Variants in ANKRD40 observed in about 807,000 individuals in gnomAD.
The protein encoded by ANKRD40 is ankyrin repeat domain-containing protein 40.
Under a neutral mutation model 35.5 loss-of-function variants are expected in ANKRD40, and 24 were observed. The ratio of observed to expected loss-of-function variants is 0.68; its 90% CI spans 0.49 to 0.95. The LOEUF is 0.95. Ranked by LOEUF, ANKRD40 falls within the 40% of genes least tolerant of loss-of-function variation. The pLI, the probability that ANKRD40 is intolerant of heterozygous loss-of-function variation, is 0.00. For synonymous variants in ANKRD40, 147 were observed against 173.5 expected, an observed-to-expected ratio of 0.85 and a Z score of 1.20; for missense variants, 361 against 436.0, an observed-to-expected ratio of 0.83 and a Z score of 1.53.
In ANKRD40 at chr17:50,707,209, C is replaced by T. The variant is rs7225909; in HGVS notation, c.134+312G>A. Among the ~76,000 whole-genome samples the T allele has an allele frequency of 2.4e-3, 364 of 152,294 alleles. 1 individual carries two copies. The highest frequency in any genetic ancestry group is 8.4e-3 in the African/African-American group (351 of 41,574). ...ATTGGGGTGAGCTCCAACGCATAGT[C>T]GCTGAGAATCACTGCCTCCAGCACC... On this transcript the variant is annotated intron_variant, in intron 1 of 4. Transcript: ENST00000285243. This position sits in a 1 kb window ranked among gnomAD's most constrained non-coding sequence, Gnocchi z 4.8.
rs897951851 is a variant in ANKRD40, at chr17:50,695,492, C to T, written c.*505G>A. 2.0e-5 allele frequency: 3 copies of T among 153,040 alleles called. No homozygotes were observed. The highest frequency in any genetic ancestry group is 6.5e-5 in the Admixed American group (1 of 15,298). The allele number at this position is 153,040 out of a possible 1,614,324, so 9.5% of individuals were successfully genotyped here. A position where few individuals can be genotyped will look rare whatever the true frequency, so the allele number is the denominator to read the frequency against. ...CAAGTCACACTAGAATCCATCTGTC[C>T]AGTATCTGTGCTTTCCCCACACCAG... is the stretch of plus-strand genomic sequence containing the variant. On this transcript the variant is annotated 3_prime_UTR_variant, in exon 5 of 5. Transcript: ENST00000285243.
intron 1 of ANKRD40, among the ~76,000 whole-genome samples, chr17:50,703,160 CG>C (rs529259664): frequency 2.5e-4 from 38 of 152,218 alleles, no homozygotes; most frequent in African/African-American, 8.4e-4. Context: ...CAAGAGAGTA[CG>C]TTTTTTTGAG....
chr17:50,699,692 G>A lies in ANKRD40; in HGVS notation c.485C>T (p.Pro162Leu). The part of the protein sequence containing the change: ...PASPPADGSP[P>L]LLPPGEPPLL... ...GGGAGGTTCCCCAGGGGGAAGCAAT[G>A]GAGGTGAGCCATCTGCAGGGGGTGA... Residue 162 changes from proline (P) to leucine (L), a missense_variant, in exon 3 of 5, where the codon CCA becomes CTA. By Grantham distance (98) the Pro-to-Leu change is moderately conservative (BLOSUM62 -3). Around this residue, in one of 5 missense-constraint regions of ANKRD40, gnomAD observed 172 missense variants for 174.0 expected, o/e 0.99. Transcript: ENST00000285243. 6.2e-7 allele frequency: 1 copy of A among 1,614,110 alleles called. No homozygotes were observed. Among genetic ancestry groups the A allele is most frequent in the Non-Finnish European group, 8.5e-7 (1 of 1,179,956 alleles).
At chr17:50,696,891 G>A in intron 4 of ANKRD40, 49 bp downstream of exon 4, 2 of 1,511,452 alleles carry the variant, frequency 1.3e-6, no homozygotes, top group Non-Finnish European at 1.8e-6. Context: ...AGGGGGCTAG[G>A]TATTTTTCAA....
At position 50,707,353 on chromosome 17, in the gene ANKRD40, A is replaced by G. The variant is rs532799707; in HGVS notation, c.134+168T>C. On this transcript the variant is annotated intron_variant, in intron 1 of 4. Transcript: ENST00000285243. The surrounding 1 kb of genome is among the most constrained non-coding windows in gnomAD (Gnocchi z 4.8). Reference sequence around the variant, plus strand: ...TTGGGCAGGACGCGCTCCCGACCGCACGAGGCATGGGGGCCAGGGCTGGCC... The same window carrying G: ...TTGGGCAGGACGCGCTCCCGACCGCGCGAGGCATGGGGGCCAGGGCTGGCC... Among the ~76,000 whole-genome samples, 1 of 152,086 alleles carries G rather than the reference A, an allele frequency of 6.6e-6. No individual in the cohort carries two copies. Among genetic ancestry groups the G allele is most frequent in the East Asian group, 1.9e-4 (1 of 5,142 alleles).
Position 50,696,216 on chromosome 17 carries a change from C to T in ANKRD40, c.961-73G>A, listed in dbSNP as rs1247647779. 4 of 1,461,764 alleles carry T rather than the reference C, an allele frequency of 2.7e-6. No homozygotes were observed. In the South Asian group the frequency reaches 4.0e-5, roughly 15 times the overall value. 90.5% of individuals were successfully genotyped at this position (1,461,764 alleles called of 1,614,324 possible). On this transcript the variant is annotated intron_variant, in intron 4 of 4. Transcript: ENST00000285243. ...ATATGTTTGGTGCACTCTATTGATA[C>T]CAGTATCTTGTCTTATTTCAAAACC...
chr17:50,699,638 G>A lies in ANKRD40; in HGVS notation c.539C>T (p.Thr180Ile), dbSNP rs774347274. 6.2e-7 allele frequency: 1 copy of A among 1,614,190 alleles called. No homozygotes were observed. Among genetic ancestry groups the A allele is most frequent in the Non-Finnish European group, 8.5e-7 (1 of 1,180,046 alleles). Reference sequence around the variant, plus strand: ...ACCATTCTGAACTAGTGCCAAAGAGGTGTGGTCCCGGGGAAAGGTCCCTAA... The same window carrying A: ...ACCATTCTGAACTAGTGCCAAAGAGATGTGGTCCCGGGGAAAGGTCCCTAA... ...PLLGTFPRDH[T>I]SLALVQNGDV... Residue 180 changes from threonine to isoleucine, a missense_variant, in exon 3 of 5, where the codon ACC becomes ATC. Transcript: ENST00000285243.
In ANKRD40 at chr17:50,695,829, T is replaced by A; in HGVS notation, c.*168A>T. The A allele has an allele frequency of 1.4e-6, 1 of 690,802 alleles. No individual in the cohort carries two copies. The highest frequency in any genetic ancestry group is 2.3e-6 in the Non-Finnish European group (1 of 436,878). 42.8% of individuals were successfully genotyped at this position (690,802 alleles called of 1,614,324 possible). A position where few individuals can be genotyped will look rare whatever the true frequency, so the allele number is the denominator to read the frequency against. Reference sequence around the variant, plus strand: ...AAGAGGCTTGGAAGAGTGGCACCACTGCTTGGGGGTCAGGGGCTTCCTACC... The same window carrying A: ...AAGAGGCTTGGAAGAGTGGCACCACAGCTTGGGGGTCAGGGGCTTCCTACC... On this transcript the variant is annotated 3_prime_UTR_variant, in exon 5 of 5. Coordinates refer to ENST00000285243, the MANE Select transcript of ANKRD40 (RefSeq NM_052855.4).
chr17:50,698,267 C>G (rs569116946), intron 3 of ANKRD40, among the ~76,000 whole-genome samples: 1 of 151,986 alleles, frequency 6.6e-6, no homozygotes, highest in Admixed American at 6.6e-5. Flanking sequence ...TAAGGCAGTG[C>G]TCCAAGAACA....
At chr17:50,706,417 G>C (rs1968339774) in intron 1 of ANKRD40, among the ~76,000 whole-genome samples, 1 of 152,106 alleles carries the variant, frequency 6.6e-6, no homozygotes, top group Admixed American at 6.6e-5. Flanking sequence ...TAGCAAAATA[G>C]TCTGGCTAAG....
At chr17:50,696,588 C>T (rs148280695) in intron 4 of ANKRD40, 32 of 226,368 alleles carry the variant, frequency 1.4e-4, no homozygotes, top group Middle Eastern at 1.5e-3. Context: ...AATAGGAACA[C>T]GTGAATGATA....
chr17:50,699,511 A>C lies in ANKRD40; in HGVS notation c.666T>G (p.Ser222=), dbSNP rs1372478360. 2 of 1,614,110 alleles carry C rather than the reference A, an allele frequency of 1.2e-6. No homozygotes were observed. The highest frequency in any genetic ancestry group is 1.7e-6 in the Non-Finnish European group (2 of 1,180,046). ...GAGACATTGGTGGCTTGGACGGGAC[A>C]GAAGAAAACAGGGAGCGGCTCTGAC... The part of the protein sequence containing the change: ...PVSQSRSLFS[S]VPSKPPMSLE... The change falls in exon 3 of 5, where the codon TCT becomes TCG. Residue 222 remains serine, a synonymous_variant. Coordinates refer to ENST00000285243, the MANE Select transcript of ANKRD40 (RefSeq NM_052855.4).
chr17:50,701,721 A>G (rs895396177), intron 1 of ANKRD40, among the ~76,000 whole-genome samples: 2 of 152,228 alleles, frequency 1.3e-5, no homozygotes, highest in Non-Finnish European at 2.9e-5. Flanking sequence ...ACATATCTTC[A>G]GAGCTCTTAT....
chr17:50,699,630 C>T lies in ANKRD40; in HGVS notation c.547G>A (p.Ala183Thr). The T allele has an allele frequency of 6.2e-7, 1 of 1,614,124 alleles. No homozygotes were observed. The highest frequency in any genetic ancestry group is 8.5e-7 in the Non-Finnish European group (1 of 1,180,034). ...GTFPRDHTSLALVQNGDVSAP... is the reference protein window; with the variant it reads ...GTFPRDHTSLTLVQNGDVSAP... Reference sequence around the variant, plus strand: ...GACACATCACCATTCTGAACTAGTGCCAAAGAGGTGTGGTCCCGGGGAAAG... The same window carrying T: ...GACACATCACCATTCTGAACTAGTGTCAAAGAGGTGTGGTCCCGGGGAAAG... The change falls in exon 3 of 5, where the codon GCA becomes ACA. Residue 183 changes from alanine to threonine, a missense_variant. This residue lies in a region of ANKRD40 where 172 missense variants were observed against 174.0 expected (regional missense o/e 0.99). Coordinates refer to ENST00000285243, the MANE Select transcript of ANKRD40 (RefSeq NM_052855.4).
At position 50,707,464 on chromosome 17, in the gene ANKRD40, G is replaced by T; in HGVS notation, c.134+57C>A. 6.4e-7 allele frequency: 1 copy of T among 1,572,342 alleles called. No individual in the cohort carries two copies. The highest frequency in any genetic ancestry group is 8.6e-7 in the Non-Finnish European group (1 of 1,160,264). On this transcript the variant is annotated intron_variant, in intron 1 of 4. Coordinates refer to ENST00000285243, the MANE Select transcript of ANKRD40 (RefSeq NM_052855.4). The surrounding 1 kb of genome is among the most constrained non-coding windows in gnomAD (Gnocchi z 4.8). ...CGCTGGGCCCAGGTCGCGACTGACT[G>T]CCCCACGCCTTCCGACCGGCTGCCC...
At chr17:50,702,825 G>A (rs529844561) in intron 1 of ANKRD40, among the ~76,000 whole-genome samples, 2 of 152,082 alleles carry the variant, frequency 1.3e-5, no homozygotes, top group Non-Finnish European at 2.9e-5. Context: ...AGAGCTGTGC[G>A]GCTCTGGGCA....
chr17:50,706,123 C>G (rs960203606), intron 1 of ANKRD40, among the ~76,000 whole-genome samples: 1 of 145,918 alleles, frequency 6.9e-6, no homozygotes, highest in African/African-American at 2.7e-5. Context: ...AATGTAAACT[C>G]ACTTTTTTTT....
rs1249166642 is a variant in ANKRD40 at position 50,707,498 on chromosome 17, G to T, written c.134+23C>A. On this transcript the variant is annotated intron_variant, in intron 1 of 4. Coordinates refer to ENST00000285243, the MANE Select transcript of ANKRD40 (RefSeq NM_052855.4). This position sits in a 1 kb window ranked among gnomAD's most constrained non-coding sequence, Gnocchi z 4.8. Reference sequence around the variant, plus strand: ...CTTCCGACCGGCTGCCCTGACCCTAGGCCTCCCCCGCTCCCCACTTACCAG... The same window carrying T: ...CTTCCGACCGGCTGCCCTGACCCTATGCCTCCCCCGCTCCCCACTTACCAG... 3 of 1,601,114 alleles carry T rather than the reference G, an allele frequency of 1.9e-6. No individual in the cohort carries two copies. The Admixed American group carries it at 5.1e-5, about 27-fold the overall frequency.
rs571824784 is a variant in ANKRD40 at position 50,707,291 on chromosome 17, G to C, written c.134+230C>G. Among the ~76,000 whole-genome samples, 114 of 152,290 alleles carry C rather than the reference G, an allele frequency of 7.5e-4. 1 individual carries two copies. Among genetic ancestry groups the C allele is most frequent in the Admixed American group, 1.9e-3 (29 of 15,304 alleles). ...AAGGGGGTAGGGCACCAGAGTCCCA[G>C]TGGGCGCTGCCCCGAGTGGACCACG... On this transcript the variant is annotated intron_variant, in intron 1 of 4. Coordinates refer to ENST00000285243, the MANE Select transcript of ANKRD40 (RefSeq NM_052855.4). This position sits in a 1 kb window ranked among gnomAD's most constrained non-coding sequence, Gnocchi z 4.8.
Sources: allele counts gnomAD v4.1 joint callset (sites outside exome capture counted in the v4.1 genomes callset), GRCh38; gene constraint gnomAD v4.1.1; regional missense constraint gnomAD v4.1.1; non-coding constraint Gnocchi (gnomAD v3.1); transcripts MANE v1.5; gene names NCBI Gene and HGNC (gene_info 2026-07-23, HGNC 2026-07-21).